The following SGCZ variants were observed in gnomAD, a reference collection of about 807,000 sequenced individuals.
SGCZ encodes the protein zeta-sarcoglycan.
A neutral mutation model predicts 41.3 loss-of-function variants in SGCZ; 40 were observed. The ratio of observed to expected loss-of-function variants is 0.97; its 90% CI spans 0.75 to 1.26. The LOEUF (loss-of-function observed/expected upper bound fraction) is 1.26. Ranked by LOEUF, SGCZ falls within the 50% of genes most tolerant of loss-of-function variation. SGCZ has a pLI of 0.00. For missense variants in SGCZ, 552 were observed against 369.8 expected (o/e 1.49, Z -4.04); for synonymous variants, 206 against 137.5 (o/e 1.50, Z -3.49).
intron 1 of SGCZ, among the ~76,000 whole-genome samples, chr8:14,642,180 T>A (rs998435378): frequency 1.3e-5 from 2 of 151,682 alleles, no homozygotes; most frequent in Non-Finnish European, 3.0e-5. Context: ...AACGTGAATA[T>A]TTCCTTGTCC....
intron 1 of SGCZ, among the ~76,000 whole-genome samples, chr8:15,100,593 A>G (rs756074911): frequency 2.0e-4 from 30 of 152,222 alleles, no homozygotes; most frequent in Non-Finnish European, 4.3e-4. Context: ...AGACATTAAC[A>G]AATTCAAATG....
At chr8:14,485,824 T>C (rs1362048425) in intron 2 of SGCZ, among the ~76,000 whole-genome samples, 1 of 137,306 alleles carries the variant, frequency 7.3e-6, no homozygotes, top group South Asian at 2.4e-4. Flanking sequence ...TTATATTTTC[T>C]CTAGAACAAT....
chr8:14,870,367 G>T (rs1323496531), intron 1 of SGCZ, among the ~76,000 whole-genome samples: 1 of 152,098 alleles, frequency 6.6e-6, no homozygotes, highest in African/African-American at 2.4e-5. Flanking sequence ...ATGTGGTTGG[G>T]AAAACTGGCT....
chr8:14,358,614 A>C (rs1355474218), intron 2 of SGCZ, among the ~76,000 whole-genome samples: 1 of 152,082 alleles, frequency 6.6e-6, no homozygotes, highest in Non-Finnish European at 1.5e-5. Flanking sequence ...TGTAAGGTAT[A>C]TATATATATT....
intron 1 of SGCZ, among the ~76,000 whole-genome samples, chr8:14,659,632 C>T (rs17119954): frequency 0.052 from 7,877 of 152,172 alleles, 359 homozygotes; most frequent in African/African-American, 0.12. Flanking sequence ...ACATTTTAAA[C>T]GGTGGTCTTG....
At chr8:15,167,328 T>G (rs1799694901) in intron 1 of SGCZ, among the ~76,000 whole-genome samples, 1 of 152,222 alleles carries the variant, frequency 6.6e-6, no homozygotes, top group South Asian at 2.1e-4. Context: ...AAAAGCCTCA[T>G]GGAGGAAACT....
At chr8:15,233,625 T>C (rs1329352891) in intron 1 of SGCZ, among the ~76,000 whole-genome samples, 3 of 152,004 alleles carry the variant, frequency 2.0e-5, no homozygotes, top group Non-Finnish European at 2.9e-5. Context: ...CAGAGAAAAA[T>C]GAAGCAACAG....
At chr8:14,193,492 A>G (rs1805170555) in intron 4 of SGCZ, among the ~76,000 whole-genome samples, 1 of 152,082 alleles carries the variant, frequency 6.6e-6, no homozygotes, top group African/African-American at 2.4e-5. Flanking sequence ...CCCATCATAA[A>G]CATATAATAT....
chr8:15,125,966 T>C (rs1807664438), intron 1 of SGCZ, among the ~76,000 whole-genome samples: 1 of 152,082 alleles, frequency 6.6e-6, no homozygotes, highest in Non-Finnish European at 1.5e-5. Flanking sequence ...ACCAATATGG[T>C]GAAACCCCGT....
At chr8:14,630,824 G>T (rs1461749629) in intron 1 of SGCZ, among the ~76,000 whole-genome samples, 2 of 144,574 alleles carry the variant, frequency 1.4e-5, no homozygotes, top group Non-Finnish European at 3.0e-5. Context: ...TGAACAATGA[G>T]AACACTTGGA....
chr8:14,539,170 C>T (rs568259414), intron 2 of SGCZ, among the ~76,000 whole-genome samples: 9 of 152,112 alleles, frequency 5.9e-5, no homozygotes, highest in Non-Finnish European at 1.0e-4. Flanking sequence ...AGATTATCTT[C>T]GGACTGGAAC....
At chr8:14,636,963 T>C (rs1381220905) in intron 1 of SGCZ, among the ~76,000 whole-genome samples, 1 of 151,890 alleles carries the variant, frequency 6.6e-6, no homozygotes, top group Non-Finnish European at 1.5e-5. Context: ...ACATTCTAGG[T>C]CATTCCATTT....
chr8:14,226,531 A>G (rs2117135971), intron 4 of SGCZ, among the ~76,000 whole-genome samples: 1 of 152,226 alleles, frequency 6.6e-6, no homozygotes. Context: ...CATAATGTCA[A>G]TAGCTTTTTT....
intron 2 of SGCZ, among the ~76,000 whole-genome samples, chr8:14,543,934 T>A (rs1017129323): frequency 1.8e-4 from 28 of 152,122 alleles, no homozygotes; most frequent in African/African-American, 6.8e-4. Flanking sequence ...CTCTTAGAGA[T>A]GTGTTATGGC....
intron 1 of SGCZ, among the ~76,000 whole-genome samples, chr8:15,232,649 GTATATATATACATATATA>G: frequency 7.0e-6 from 1 of 141,940 alleles, no homozygotes; most frequent in East Asian, 2.0e-4. Context: ...ATATGTGTGT[GTATATATATACATATATA>G]TGTGTGTGTA....
intron 1 of SGCZ, among the ~76,000 whole-genome samples, chr8:14,872,668 T>A (rs114314390): frequency 1.2e-4 from 19 of 152,214 alleles, no homozygotes; most frequent in Admixed American, 1.1e-3. Flanking sequence ...GCACCATAGA[T>A]CCTGCTGGGT....
At chr8:14,419,599 A>T (rs2117301516) in intron 2 of SGCZ, among the ~76,000 whole-genome samples, 1 of 152,122 alleles carries the variant, frequency 6.6e-6, no homozygotes, top group Non-Finnish European at 1.5e-5. Context: ...ACATGCTACA[A>T]AAAAGGCCTA....
Position 15,186,262 on chromosome 8 carries a change from C to CAAAAAAAAAAAAAAAAA in SGCZ, c.39+51306_39+51322dup, listed in dbSNP as rs61237091. On this transcript the variant is annotated intron_variant, in intron 1 of 7. Transcript: ENST00000382080. ...GGGCAACAGAGGGAAGATTCCGTACCAAAAAAAAAAAAAAAAAAAAAAAAA... is the reference window on the plus strand; with the variant it reads ...GGGCAACAGAGGGAAGATTCCGTACCAAAAAAAAAAAAAAAAAAAAAAAAAAAAAAAAAAAAAAAAAA... 2.7e-4 allele frequency among the ~76,000 whole-genome samples: 22 copies of CAAAAAAAAAAAAAAAAA among 80,718 alleles called. 1 individual carries two copies. Among genetic ancestry groups the CAAAAAAAAAAAAAAAAA allele is most frequent in the East Asian group, 1.2e-3 (4 of 3,252 alleles). 53.0% of individuals were successfully genotyped at this position (80,718 alleles called of 152,430 possible). A position where few individuals can be genotyped will look rare whatever the true frequency, so the allele number is the denominator to read the frequency against.
chr8:14,688,376 G>A (rs1585183739), intron 1 of SGCZ, among the ~76,000 whole-genome samples: 1 of 152,114 alleles, frequency 6.6e-6, no homozygotes, highest in Non-Finnish European at 1.5e-5. Flanking sequence ...TTTGTAGAAG[G>A]TGTAAGGAAG....
Sources: gnomAD v4.1 joint callset for allele counts (sites outside exome capture counted in the v4.1 genomes callset) on GRCh38, gnomAD v4.1.1 for gene constraint, MANE v1.5 for transcripts, NCBI Gene and HGNC (gene_info 2026-07-23, HGNC 2026-07-21) for gene names.